Variants in AKR1B15 observed in about 807,000 individuals in gnomAD.
AKR1B15 encodes the protein estradiol 17-beta-dehydrogenase AKR1B15.
In AKR1B15, 49 loss-of-function variants were observed where a neutral mutation model predicts 38.5. The observed-to-expected ratio is 1.27, with a 90% CI of 1.01 to 1.62. AKR1B15 has a LOEUF of 1.62. AKR1B15 is among the 40% of genes most tolerant of loss of function. The pLI, the probability that AKR1B15 is intolerant of heterozygous loss-of-function variation, is 0.00. For missense variants in AKR1B15, 411 were observed against 381.6 expected, an observed-to-expected ratio of 1.08 and a Z score of -0.64; for synonymous variants, 137 against 135.5, an observed-to-expected ratio of 1.01 and a Z score of -0.08.
intron 1 of AKR1B15, among the ~76,000 whole-genome samples, chr7:134,549,575 A>G (rs1793893989): frequency 6.6e-6 from 1 of 152,090 alleles, no homozygotes; most frequent in African/African-American, 2.4e-5. Context: ...GAAGGCCCTC[A>G]CCTGTGGTTC....
Position 134,579,640 on chromosome 7 carries a change from A to T in AKR1B15, c.*91A>T. The T allele has an allele frequency of 2.5e-6, 3 of 1,204,444 alleles. No individual in the cohort carries two copies. Among genetic ancestry groups the T allele is most frequent in the Non-Finnish European group, 3.5e-6 (3 of 862,708 alleles). 74.6% of individuals were successfully genotyped at this position (1,204,444 alleles called of 1,614,324 possible). A position where few individuals can be genotyped will look rare whatever the true frequency, so the allele number is the denominator to read the frequency against. ...CTCAAGAACTATTTTAGCCAAGCTT[A>T]TCTGAGATCACAGTGAACTTTGTCC... On this transcript the variant is annotated 3_prime_UTR_variant, in exon 12 of 12. Transcript: ENST00000457545.
intron 10 of AKR1B15, among the ~76,000 whole-genome samples, chr7:134,577,498 C>A (rs1253356364): frequency 1.3e-5 from 2 of 152,200 alleles, no homozygotes; most frequent in Non-Finnish European, 2.9e-5. Context: ...TCCCTCCCCC[C>A]AGAACACTGA....
rs376790117 is a variant in AKR1B15 at position 134,569,437 on chromosome 7, C to A, written c.343C>A (p.Pro115Thr). The A allele has an allele frequency of 2.5e-6, 4 of 1,613,940 alleles. No individual in the cohort carries two copies. The highest frequency in any genetic ancestry group is 1.3e-5 in the African/African-American group (1 of 74,912). ...SKVWPTFFER[P>T]LVRKAFEKTL... ...GGTGTGGCCCACTTTCTTTGAGAGA[C>A]CCCTTGTGAGGAAAGCCTTTGAGAA... Residue 115 changes from proline to threonine, a missense_variant, in exon 5 of 12, where the codon CCC becomes ACC. This residue lies in a region of AKR1B15 where 254 missense variants were observed against 212.4 expected (regional missense o/e 1.20). Transcript: ENST00000457545.
chr7:134,568,082 AGCCTGG>A, intron 3 of AKR1B15, 70 bp from the exon 4 acceptor site: 1 of 1,565,142 alleles, frequency 6.4e-7, no homozygotes, highest in Non-Finnish European at 8.7e-7. Flanking sequence ...GTGTGAGGCC[AGCCTGG>A]GCAACATGGC....
intron 6 of AKR1B15, 78 bp downstream of exon 6, chr7:134,571,759 G>A (rs751254734): frequency 6.3e-6 from 7 of 1,111,074 alleles, no homozygotes; most frequent in African/African-American, 3.2e-5. Context: ...TATGAAAGAG[G>A]CCATGTGCCT....
intron 2 of AKR1B15, among the ~76,000 whole-genome samples, chr7:134,561,594 T>C (rs1240871363): frequency 1.3e-5 from 2 of 152,244 alleles, no homozygotes; most frequent in African/African-American, 4.8e-5. Flanking sequence ...CAAAATATCA[T>C]GCCAATTGCC....
At chr7:134,566,127 C>G (rs1794528551) in intron 3 of AKR1B15, among the ~76,000 whole-genome samples, 1 of 152,152 alleles carries the variant, frequency 6.6e-6, no homozygotes, top group South Asian at 2.1e-4. Context: ...GACCCAATTT[C>G]TACAAATAAT....
Position 134,549,886 on chromosome 7 carries a change from T to G in AKR1B15, c.-147+637T>G, listed in dbSNP as rs189295003. 2.6e-5 allele frequency among the ~76,000 whole-genome samples: 4 copies of G among 152,296 alleles called. No homozygotes were observed. In the East Asian group the frequency reaches 7.7e-4, roughly 29 times the overall value. Reference sequence around the variant, plus strand: ...ACTTCTTCAAGGTCCTTAGTACAGATTTTCTATCCCAGGAGGTCAAATTCC... The same window carrying G: ...ACTTCTTCAAGGTCCTTAGTACAGAGTTTCTATCCCAGGAGGTCAAATTCC... On this transcript the variant is annotated intron_variant, in intron 1 of 11. Transcript: ENST00000457545.
intron 1 of AKR1B15, among the ~76,000 whole-genome samples, chr7:134,553,156 C>T (rs1260148817): frequency 1.3e-5 from 2 of 152,138 alleles, no homozygotes; most frequent in Non-Finnish European, 2.9e-5. Context: ...ATCCCCACTC[C>T]CACCACTAAG....
At chr7:134,563,563 A>C (rs1794469048) in intron 2 of AKR1B15, among the ~76,000 whole-genome samples, 1 of 152,158 alleles carries the variant, frequency 6.6e-6, no homozygotes, top group Admixed American at 6.5e-5. Context: ...CAAACAAACA[A>C]AAAGCAGTGA....
chr7:134,561,616 G>T (rs1320354690), intron 2 of AKR1B15, among the ~76,000 whole-genome samples: 4 of 152,186 alleles, frequency 2.6e-5, no homozygotes, highest in South Asian at 2.1e-4. Context: ...TCTATGAGCT[G>T]TCGTAAGCCA....
chr7:134,569,337 A>G, intron 4 of AKR1B15, 76 bp from the exon 5 acceptor site: 1 of 1,561,868 alleles, frequency 6.4e-7, no homozygotes, highest in Non-Finnish European at 8.8e-7. Context: ...GATGCAAATC[A>G]AAAAGCAGGG....
chr7:134,571,686 G>GT lies in AKR1B15; in HGVS notation c.513+7dup. On this transcript the variant is annotated splice_donor_region_variant and intron_variant, in intron 6 of 11. Transcript: ENST00000457545. ...ACGTTCTTGGATGCCTGGGAGGTAG[G>GT]TTCCAGCTTTGTCTAAGTGTGCTGG... 1.2e-6 allele frequency: 2 copies of GT among 1,612,108 alleles called. No homozygotes were observed. The highest frequency in any genetic ancestry group is 8.5e-7 in the Non-Finnish European group (1 of 1,178,606).
At chr7:134,577,262 A>G (rs1197634545) in intron 10 of AKR1B15, among the ~76,000 whole-genome samples, 2 of 152,300 alleles carry the variant, frequency 1.3e-5, no homozygotes, top group African/African-American at 2.4e-5. Flanking sequence ...GTAAAGCCCT[A>G]TCAGGTCTGA....
chr7:134,566,018 G>A (rs932601759), intron 3 of AKR1B15, among the ~76,000 whole-genome samples: 74 of 152,200 alleles, frequency 4.9e-4, no homozygotes, highest in African/African-American at 1.6e-3. Context: ...AACTGGCTGG[G>A]TGTGGTGGCT....
chr7:134,571,290 G>T lies in AKR1B15; in HGVS notation c.436-314G>T, dbSNP rs551053957. Among the ~76,000 whole-genome samples the T allele has an allele frequency of 1.1e-4, 16 of 152,328 alleles. No homozygotes were observed. In the South Asian group the frequency reaches 2.9e-3, roughly 28 times the overall value. ...AATCTTTATCCAGTGATACTGAAATGAAAGTTTGCCCTTGGGTGTGTATAG... is the reference window on the plus strand; with the variant it reads ...AATCTTTATCCAGTGATACTGAAATTAAAGTTTGCCCTTGGGTGTGTATAG... On this transcript the variant is annotated intron_variant, in intron 5 of 11. Transcript: ENST00000457545.
chr7:134,568,830 G>A (rs1394239381), intron 4 of AKR1B15, among the ~76,000 whole-genome samples: 1 of 150,918 alleles, frequency 6.6e-6, no homozygotes, highest in East Asian at 2.0e-4. Context: ...TGAGGGTGTT[G>A]AGAATCACTG....
chr7:134,573,484 G>T (rs1161011415), intron 6 of AKR1B15: 3 of 985,418 alleles, frequency 3.0e-6, no homozygotes, highest in East Asian at 2.3e-4. Flanking sequence ...GGCATGAAAA[G>T]ATATCATTGA....
chr7:134,577,101 G>T, intron 10 of AKR1B15, 55 bp downstream of exon 10: 1 of 1,519,956 alleles, frequency 6.6e-7, no homozygotes, highest in South Asian at 1.1e-5. Context: ...GGGACAGGCA[G>T]ACCTTCTCAC....
Sources: gnomAD v4.1 joint callset for allele counts (sites outside exome capture counted in the v4.1 genomes callset) on GRCh38, gnomAD v4.1.1 for gene constraint, gnomAD v4.1.1 regional missense constraint, MANE v1.5 for transcripts, NCBI Gene and HGNC (gene_info 2026-07-23, HGNC 2026-07-21) for gene names.